PREX2: variants seen among roughly 807,000 people sequenced by gnomAD.
The protein encoded by PREX2 is phosphatidylinositol-3,4,5-trisphosphate dependent Rac exchange factor 2.
PREX2 carries 107 observed loss-of-function variants against 203.2 expected under a neutral mutation model. That is an observed-to-expected ratio of 0.53 (90% CI 0.45 to 0.62). The LOEUF (loss-of-function observed/expected upper bound fraction) is 0.62, where lower values mean the gene tolerates loss of function less well. PREX2 is among the 20% of genes least tolerant of loss of function. PREX2 has a pLI of 0.00. For missense variants in PREX2, 1,777 were observed against 1,955.9 expected (o/e 0.91, Z 1.72); for synonymous variants, 672 against 663.6 (o/e 1.01, Z -0.19).
intron 32 of PREX2, among the ~76,000 whole-genome samples, chr8:68,138,111 T>C (rs950802876): frequency 6.6e-6 from 1 of 152,168 alleles, no homozygotes; most frequent in South Asian, 2.1e-4. Context: ...CTGTAAATAA[T>C]AAATGAAATC....
chr8:68,072,569 A>G lies in PREX2; in HGVS notation c.1568A>G (p.Gln523Arg). 1.3e-6 allele frequency: 2 copies of G among 1,557,704 alleles called. No individual in the cohort carries two copies. The highest frequency in any genetic ancestry group is 1.8e-6 in the Non-Finnish European group (2 of 1,130,008). ...ANKLIDWLIA[Q>R]GDCRTREEAM... ...AAACTGATAGACTGGTTAATTGCAC[A>G]GGTAAATAGACAAATAGAAGTTGCT... Residue 523 changes from glutamine to arginine, a missense_variant and splice_region_variant, in exon 14 of 40, where the codon CAG (glutamine) becomes CGG (arginine). Coordinates refer to ENST00000288368, the MANE Select transcript of PREX2 (RefSeq NM_024870.4).
intron 19 of PREX2, 128 bp from the exon 20 acceptor site, chr8:68,090,451 A>C: frequency 1.3e-6 from 1 of 788,100 alleles, no homozygotes; most frequent in Non-Finnish European, 1.9e-6. Flanking sequence ...CTCAGAACCA[A>C]GTTTATCAAG....
At chr8:68,156,268 T>G (rs1278921978) in intron 34 of PREX2, among the ~76,000 whole-genome samples, 1 of 152,174 alleles carries the variant, frequency 6.6e-6, no homozygotes, top group Non-Finnish European at 1.5e-5. Context: ...TCTCGCTATG[T>G]TGCCTAGGCT....
intron 1 of PREX2, among the ~76,000 whole-genome samples, chr8:67,953,824 G>T (rs188628616): frequency 4.6e-5 from 7 of 152,108 alleles, no homozygotes; most frequent in Admixed American, 1.3e-4. Context: ...GTGGTTTATA[G>T]AATTATTATA....
rs59678397 is a variant in PREX2, at chr8:67,960,058, AATTT to A, written c.141+7527_141+7530del. Among the ~76,000 whole-genome samples, 434 of 151,764 alleles carry A rather than the reference AATTT, an allele frequency of 2.9e-3. 2 individuals carry two copies. The highest frequency in any genetic ancestry group is 9.9e-3 in the African/African-American group (409 of 41,308). On this transcript the variant is annotated intron_variant, in intron 1 of 39. Coordinates refer to ENST00000288368, the MANE Select transcript of PREX2 (RefSeq NM_024870.4). ...TTTTTAATTAATTAATTAATTAATT[AATTT>A]ATTGATCTCACTCTATCGCCCAGGC...
At chr8:68,110,722 T>A (rs1313349538) in intron 25 of PREX2, among the ~76,000 whole-genome samples, 2 of 152,198 alleles carry the variant, frequency 1.3e-5, no homozygotes, top group Non-Finnish European at 2.9e-5. Context: ...GATGAAGTCA[T>A]AATTGACACG....
chr8:68,141,552 G>A (rs1452461004), intron 33 of PREX2, among the ~76,000 whole-genome samples: 4 of 152,138 alleles, frequency 2.6e-5, no homozygotes, highest in Non-Finnish European at 5.9e-5. Context: ...GATGCATAAA[G>A]AAAAAAGGCG....
chr8:68,063,023 G>A (rs2129611399), intron 11 of PREX2, among the ~76,000 whole-genome samples: 1 of 152,154 alleles, frequency 6.6e-6, no homozygotes, highest in Non-Finnish European at 1.5e-5. Context: ...ATATGATTTT[G>A]CGCTTGTTTC....
intron 1 of PREX2, among the ~76,000 whole-genome samples, chr8:67,968,824 A>G (rs1805844742): frequency 6.6e-6 from 1 of 152,234 alleles, no homozygotes; most frequent in Non-Finnish European, 1.5e-5. Context: ...GGAGACAATC[A>G]GCCTTAACCT....
intron 37 of PREX2, among the ~76,000 whole-genome samples, chr8:68,205,140 A>G (rs1244359662): frequency 1.3e-5 from 2 of 152,118 alleles, no homozygotes; most frequent in Non-Finnish European, 2.9e-5. Context: ...AAATATTGGG[A>G]GGTTATTTCT....
intron 37 of PREX2, among the ~76,000 whole-genome samples, chr8:68,204,674 CTTTCTTTTTTTTTT>C (rs1812575357): frequency 8.3e-6 from 1 of 121,100 alleles, no homozygotes; most frequent in Non-Finnish European, 1.7e-5. Flanking sequence ...TTTCTTTCTT[CTTTCTTTTTTTTTT>C]TTTTTTTTTT....
intron 37 of PREX2, among the ~76,000 whole-genome samples, chr8:68,199,382 T>G (rs545472948): frequency 1.3e-5 from 2 of 152,344 alleles, no homozygotes; most frequent in Non-Finnish European, 2.9e-5. Flanking sequence ...AGTTGATGAT[T>G]TGGAAATTCA....
chr8:68,227,199 C>T (rs750531147), intron 39 of PREX2, among the ~76,000 whole-genome samples: 10 of 152,050 alleles, frequency 6.6e-5, no homozygotes, highest in Non-Finnish European at 1.5e-4. Flanking sequence ...GAAGCAGGAG[C>T]TTAAAAAAAA....
chr8:68,078,577 C>T (rs115373339), intron 15 of PREX2, among the ~76,000 whole-genome samples: 2,740 of 152,234 alleles, frequency 0.018, 94 homozygotes, highest in African/African-American at 0.063. Flanking sequence ...GGAAGTACAG[C>T]AAAGGTTACA....
chr8:68,093,469 A>G, intron 20 of PREX2, 136 bp from the exon 21 acceptor site: 1 of 449,650 alleles, frequency 2.2e-6, no homozygotes. Context: ...TTAGTTTCTG[A>G]TGTTAATTGT....
intron 6 of PREX2, among the ~76,000 whole-genome samples, chr8:68,036,013 T>C (rs563659540): frequency 2.0e-5 from 3 of 152,324 alleles, no homozygotes; most frequent in African/African-American, 7.2e-5. Context: ...GGGTTGCTTA[T>C]GAAAAGAAAT....
At chr8:67,986,470 T>C (rs1369169779) in intron 1 of PREX2, among the ~76,000 whole-genome samples, 5 of 139,872 alleles carry the variant, frequency 3.6e-5, no homozygotes, top group African/African-American at 4.9e-5. Flanking sequence ...TGCAGGTGGC[T>C]TGACTACAGG....
At chr8:68,012,431 A>G (rs1260885829) in intron 1 of PREX2, among the ~76,000 whole-genome samples, 1 of 152,184 alleles carries the variant, frequency 6.6e-6, no homozygotes, top group African/African-American at 2.4e-5. Flanking sequence ...AAGACTCTCA[A>G]TAACTGACAC....
chr8:68,031,113 G>C (rs1345366787), intron 6 of PREX2, among the ~76,000 whole-genome samples: 1 of 152,096 alleles, frequency 6.6e-6, no homozygotes, highest in African/African-American at 2.4e-5. Context: ...AACTGGCTAT[G>C]ATCTTATTTT....
Sources: gnomAD v4.1 joint callset for allele counts (sites outside exome capture counted in the v4.1 genomes callset) on GRCh38, gnomAD v4.1.1 for gene constraint, MANE v1.5 for transcripts, NCBI Gene and HGNC (gene_info 2026-07-23, HGNC 2026-07-21) for gene names.